INTS6L: variants seen among roughly 807,000 people sequenced by gnomAD.
INTS6L encodes integrator complex subunit 6-like.
In INTS6L, 18 loss-of-function variants were observed where a neutral mutation model predicts 64.7. That is an observed-to-expected ratio of 0.28 (90% confidence interval 0.19 to 0.41). The LOEUF is 0.41. INTS6L is among the 10% of genes least tolerant of loss of function. INTS6L has a pLI of 1.00. For missense variants in INTS6L, 533 were observed against 661.0 expected, an observed-to-expected ratio of 0.81 and a Z score of 2.12; for synonymous variants, 227 against 235.9, an observed-to-expected ratio of 0.96 and a Z score of 0.34.
chrX:135,577,368 C>G lies in INTS6L; in HGVS notation c.2060C>G (p.Pro687Arg). Reference sequence around the variant, plus strand: ...AACCATGTGGGCGGAAAGGGACCACCCTCAGCCTCGTGGTTCCCATCTTAT... The same window carrying G: ...AACCATGTGGGCGGAAAGGGACCACGCTCAGCCTCGTGGTTCCCATCTTAT... The part of the protein sequence containing the change: ...VTNHVGGKGP[P>R]SASWFPSYPN... The change falls in exon 15 of 18, where the codon CCC (proline) becomes CGC (arginine). Residue 687 changes from proline to arginine, a missense_variant. Coordinates refer to ENST00000639893, the MANE Select transcript of INTS6L (RefSeq NM_001351601.3). 1 of 1,211,830 alleles carries G rather than the reference C, an allele frequency of 8.3e-7. No individual in the cohort carries two copies. The highest frequency in any genetic ancestry group is 1.1e-6 in the Non-Finnish European group (1 of 895,595).
rs1214050271 is a variant in INTS6L at position 135,581,760 on chromosome X, T to TG, written c.*128dup. On this transcript the variant is annotated 3_prime_UTR_variant, in exon 18 of 18. Transcript: ENST00000639893. The stretch of plus-strand genomic sequence containing the variant: ...CTTTCCAGATGCTAAGAAGCAGCAG[T>TG]GGGGCTTTTGAATTTTATGATTATC... 14 of 512,819 alleles carry TG rather than the reference T, an allele frequency of 2.7e-5. No individual in the cohort carries two copies. In the African/African-American group the frequency reaches 3.0e-4, roughly 11 times the overall value. 42.3% of individuals were successfully genotyped at this position (512,819 alleles called of 1,213,427 possible).
chrX:135,577,804 G>A (rs1281755457), intron 15 of INTS6L, among the ~76,000 whole-genome samples: 1 of 112,090 alleles, frequency 8.9e-6, no homozygotes, highest in Non-Finnish European at 1.9e-5. Context: ...TTCCCTGGCA[G>A]TAGGAGCAAG....
chrX:135,575,851 A>G (rs1282374069), intron 14 of INTS6L, among the ~76,000 whole-genome samples: 1 of 110,438 alleles, frequency 9.1e-6, no homozygotes, highest in Non-Finnish European at 1.9e-5. Flanking sequence ...CCATTAAAGC[A>G]TGAAAACAAA....
At chrX:135,539,137 C>T (rs1243186392) in intron 2 of INTS6L, among the ~76,000 whole-genome samples, 1 of 112,304 alleles carries the variant, frequency 8.9e-6, no homozygotes, top group Non-Finnish European at 1.9e-5. Flanking sequence ...GCATTGACTT[C>T]TCCTTTCAAA....
At chrX:135,543,700 T>G (rs2086284259) in intron 2 of INTS6L, among the ~76,000 whole-genome samples, 1 of 112,457 alleles carries the variant, frequency 8.9e-6, no homozygotes, top group South Asian at 3.7e-4. Context: ...TACACCTTTC[T>G]CTTCTACCCC....
Position 135,581,843 on chromosome X carries a change from T to C in INTS6L, c.*207T>C. On this transcript the variant is annotated 3_prime_UTR_variant, in exon 18 of 18. Coordinates refer to ENST00000639893, the MANE Select transcript of INTS6L (RefSeq NM_001351601.3). The stretch of plus-strand genomic sequence containing the variant: ...TTTTTTAAAGTATGAATTGTTTTGT[T>C]TTGTTTTCCTCAATTGAGGAAGCTG... 1 of 354,496 alleles carries C rather than the reference T, an allele frequency of 2.8e-6. No homozygotes were observed. The highest frequency in any genetic ancestry group is 4.9e-6 in the Non-Finnish European group (1 of 202,924). 29.2% of individuals were successfully genotyped at this position (354,496 alleles called of 1,213,427 possible). A position where few individuals can be genotyped will look rare whatever the true frequency, so the allele number is the denominator to read the frequency against.
intron 2 of INTS6L, among the ~76,000 whole-genome samples, chrX:135,531,886 A>G (rs1556505609): frequency 8.9e-6 from 1 of 111,929 alleles, no homozygotes; most frequent in African/African-American, 3.2e-5. Context: ...AAGAAGAGAT[A>G]CAGAGCCAGG....
At position 135,575,103 on chromosome X, in the gene INTS6L, A is replaced by G. The variant is rs1446297812; in HGVS notation, c.1761A>G (p.Pro587=). The G allele has an allele frequency of 1.7e-6, 2 of 1,209,579 alleles. No homozygotes were observed. Among genetic ancestry groups the G allele is most frequent in the Non-Finnish European group, 2.2e-6 (2 of 895,074 alleles). ...TTGCAGATTCCCTTCATAGTGTTCC[A>G]GTTGCACAAATGGGTAACTATCAGG... ...GQDEDSLHSV[P]VAQMGNYQEY... Residue 587 remains proline (P), a synonymous_variant, in exon 14 of 18, where the codon CCA becomes CCG. Coordinates refer to ENST00000639893, the MANE Select transcript of INTS6L (RefSeq NM_001351601.3).
chrX:135,573,095 A>G, intron 12 of INTS6L, 62 bp downstream of exon 12: 1 of 975,093 alleles, frequency 1.0e-6, no homozygotes, highest in Non-Finnish European at 1.4e-6. Flanking sequence ...TATGTCTTTC[A>G]TATTCCTTTA....
rs2085511090 is a variant in INTS6L, at chrX:135,520,693, G to C, written c.-300G>C. 3.2e-6 allele frequency: 1 copy of C among 317,187 alleles called. No homozygotes were observed. Among genetic ancestry groups the C allele is most frequent in the Admixed American group, 5.3e-5 (1 of 18,720 alleles). 26.1% of individuals were successfully genotyped at this position (317,187 alleles called of 1,213,427 possible). A position where few individuals can be genotyped will look rare whatever the true frequency, so the allele number is the denominator to read the frequency against. On this transcript the variant is annotated 5_prime_UTR_variant, in exon 1 of 18. Transcript: ENST00000639893. ...GCGAGCGCTCTAGTGAGCGCGGACG[G>C]ATGCTTAGGCAGTAGTCCTGGCAGC...
chrX:135,535,199 T>A (rs1385763633), intron 2 of INTS6L, among the ~76,000 whole-genome samples: 1 of 111,557 alleles, frequency 9.0e-6, no homozygotes, highest in Non-Finnish European at 1.9e-5. Flanking sequence ...AGGAAGACAG[T>A]TCCATTCTTA....
Position 135,521,002 on chromosome X carries a change from C to T in INTS6L, c.10C>T (p.Leu4=), listed in dbSNP as rs1556496051. The T allele has an allele frequency of 2.5e-6, 3 of 1,209,261 alleles. No individual in the cohort carries two copies. In the South Asian group the frequency reaches 5.3e-5, roughly 21 times the overall value. ...AGGAGTGCGGGGGAAGATGCCCATC[C>T]TGCTGTTCCTCATAGACACGTCCGC... The part of the protein sequence containing the change: MPI[L]LFLIDTSASM... The change falls in exon 1 of 18, where the codon CTG becomes TTG. Residue 4 remains leucine, a synonymous_variant. Transcript: ENST00000639893.
At chrX:135,524,098 A>C (rs1245455360) in intron 2 of INTS6L, among the ~76,000 whole-genome samples, 1 of 111,440 alleles carries the variant, frequency 9.0e-6, no homozygotes, top group African/African-American at 3.3e-5. Flanking sequence ...TCTTTTTCCG[A>C]GTCTCTCTTC....
intron 7 of INTS6L, 108 bp downstream of exon 7, chrX:135,549,913 A>G (rs2086454759): frequency 2.2e-5 from 20 of 893,848 alleles, no homozygotes; most frequent in Non-Finnish European, 3.1e-5. Flanking sequence ...GCCACAGGCA[A>G]GTAAGTCTTC....
chrX:135,564,866 C>T (rs1405669522), intron 9 of INTS6L, among the ~76,000 whole-genome samples: 2 of 111,579 alleles, frequency 1.8e-5, no homozygotes, highest in East Asian at 5.6e-4. Context: ...TACTTCCTCT[C>T]ACACCCCTCT....
intron 11 of INTS6L, chrX:135,572,461 C>T (rs1053931634): frequency 6.7e-6 from 1 of 148,426 alleles, no homozygotes; most frequent in East Asian, 1.7e-4. Context: ...AGTCTTAAAC[C>T]TTTATGTCTG....
At chrX:135,572,344 G>T (rs5975543) in intron 11 of INTS6L, 8,413 of 111,776 alleles carry the variant, frequency 0.075, 494 homozygotes, top group African/African-American at 0.19. Context: ...AATTTTTTCA[G>T]ACCTTTTTTG....
In INTS6L at chrX:135,520,969, G is replaced by A. The variant is rs2085521486; in HGVS notation, c.-24G>A. ...GGCAAGAGGGCCGGGAGAGTGGGGA[G>A]CGGAGGCAGGAGTGCGGGGGAAGAT... On this transcript the variant is annotated 5_prime_UTR_variant, in exon 1 of 18. Transcript: ENST00000639893. The A allele has an allele frequency of 5.0e-6, 6 of 1,198,453 alleles. No homozygotes were observed. Among genetic ancestry groups the A allele is most frequent in the Non-Finnish European group, 5.6e-6 (5 of 885,308 alleles).
At position 135,556,320 on chromosome X, in the gene INTS6L, C is replaced by A; in HGVS notation, c.1192+20C>A. Reference sequence around the variant, plus strand: ...TTTTAGGTAAGTAAAACATGTGCCACTGAATCATCTTTAAAATACAACAGA... The same window carrying A: ...TTTTAGGTAAGTAAAACATGTGCCAATGAATCATCTTTAAAATACAACAGA... On this transcript the variant is annotated intron_variant, in intron 9 of 17. Coordinates refer to ENST00000639893, the MANE Select transcript of INTS6L (RefSeq NM_001351601.3). 1 of 1,127,001 alleles carries A rather than the reference C, an allele frequency of 8.9e-7. No individual in the cohort carries two copies. The highest frequency in any genetic ancestry group is 1.2e-6 in the Non-Finnish European group (1 of 853,665). 92.9% of individuals were successfully genotyped at this position (1,127,001 alleles called of 1,213,427 possible).
Sources: allele counts gnomAD v4.1 joint callset (sites outside exome capture counted in the v4.1 genomes callset), GRCh38; gene constraint gnomAD v4.1.1; transcripts MANE v1.5; gene names NCBI Gene and HGNC (gene_info 2026-07-23, HGNC 2026-07-21).